Variants in F2R observed in about 807,000 individuals in gnomAD.
F2R encodes coagulation factor II thrombin receptor.
F2R carries 12 observed loss-of-function variants against 18.3 expected under a neutral mutation model. That is an observed-to-expected ratio of 0.66 (90% CI 0.42 to 1.06). The LOEUF is 1.06. Among genes scored for constraint, F2R ranks in the 50% least tolerant of loss-of-function variants. The pLI, the probability that F2R is intolerant of heterozygous loss-of-function variation, is 0.00. For synonymous variants in F2R, 210 were observed against 219.9 expected (o/e 0.95, Z 0.40); for missense variants, 438 against 530.8 (o/e 0.83, Z 1.72).
intron 1 of F2R, chr5:76,716,935 C>T (rs1261823194): frequency 1.3e-5 from 6 of 470,466 alleles, no homozygotes; most frequent in Non-Finnish European, 1.9e-5. Context: ...CCCGGCCCGG[C>T]CTTGTGTCCA....
chr5:76,727,607 G>A (rs748834512), intron 1 of F2R, among the ~76,000 whole-genome samples: 9 of 152,126 alleles, frequency 5.9e-5, no homozygotes, highest in Non-Finnish European at 1.5e-5. Context: ...ACCAGGCTCT[G>A]CTCTGCTGTC....
intron 1 of F2R, among the ~76,000 whole-genome samples, chr5:76,720,081 A>ACTATCTAT (rs199692577): frequency 6.6e-6 from 1 of 152,106 alleles, no homozygotes; most frequent in African/African-American, 2.4e-5. Flanking sequence ...TTTCTGCCCT[A>ACTATCTAT]CTATCTATCT....
chr5:76,720,744 T>C (rs1035663823), intron 1 of F2R, among the ~76,000 whole-genome samples: 8 of 152,172 alleles, frequency 5.3e-5, no homozygotes, highest in Admixed American at 3.9e-4. Flanking sequence ...ATATTTCATA[T>C]CAATAGAATC....
At position 76,732,457 on chromosome 5, in the gene F2R, A is replaced by C; in HGVS notation, c.232A>C (p.Ser78Arg). Residue 78 changes from serine (S) to arginine (R), a missense_variant, in exon 2 of 2, where the codon AGT becomes CGT. Transcript: ENST00000319211. ...CAGATTAGTCTCCATCAATAAAAGC[A>C]GTCCTCTTCAAAAACAACTTCCTGC... The part of the protein sequence containing the change: ...EYRLVSINKS[S>R]PLQKQLPAFI... The C allele has an allele frequency of 6.2e-7, 1 of 1,614,190 alleles. No individual in the cohort carries two copies. Among genetic ancestry groups the C allele is most frequent in the South Asian group, 1.1e-5 (1 of 91,084 alleles).
Position 76,716,411 on chromosome 5 carries a change from G to T in F2R, c.88+16G>T. 7.0e-7 allele frequency: 1 copy of T among 1,429,796 alleles called. No individual in the cohort carries two copies. The highest frequency in any genetic ancestry group is 1.5e-5 in the South Asian group (1 of 68,378). The allele number at this position is 1,429,796 out of a possible 1,614,324, so 88.6% of individuals were successfully genotyped here. A position where few individuals can be genotyped will look rare whatever the true frequency, so the allele number is the denominator to read the frequency against. On this transcript the variant is annotated intron_variant, in intron 1 of 1. Transcript: ENST00000319211. Reference sequence around the variant, plus strand: ...CGCAGGCCAGGTGAGAGATGCACGGGAATGGGGTGCGCGGGCGGAGGGACG... The same window carrying T: ...CGCAGGCCAGGTGAGAGATGCACGGTAATGGGGTGCGCGGGCGGAGGGACG...
chr5:76,730,809 C>T lies in F2R; in HGVS notation c.89-1505C>T, dbSNP rs573669882. On this transcript the variant is annotated intron_variant, in intron 1 of 1. Coordinates refer to ENST00000319211, the MANE Select transcript of F2R (RefSeq NM_001992.5). ...TATACATTGGGAGTTCCTAAGGCCC[C>T]CTGCTCAGATTCGATTAATTTGCTA... Among the ~76,000 whole-genome samples the T allele has an allele frequency of 6.6e-4, 101 of 152,288 alleles. 1 individual carries two copies. The highest frequency in any genetic ancestry group is 5.0e-3 in the South Asian group (24 of 4,826).
intron 1 of F2R, among the ~76,000 whole-genome samples, chr5:76,731,113 G>C (rs909540277): frequency 6.6e-6 from 1 of 152,218 alleles, no homozygotes; most frequent in African/African-American, 2.4e-5. Context: ...GAAAGAAGTA[G>C]AAGAATGACT....
In F2R at chr5:76,718,666, G is replaced by T. The variant is rs928138491; in HGVS notation, c.88+2271G>T. ...TATCCCCATGGTGACTAAAACAAAT[G>T]TTCACTCAGCAGATAGTTGTTGAGA... On this transcript the variant is annotated intron_variant, in intron 1 of 1. Coordinates refer to ENST00000319211, the MANE Select transcript of F2R (RefSeq NM_001992.5). Among the ~76,000 whole-genome samples the T allele has an allele frequency of 3.3e-5, 5 of 152,228 alleles. No individual in the cohort carries two copies. In the East Asian group the frequency reaches 7.7e-4, roughly 23 times the overall value.
In F2R at chr5:76,716,266, C is replaced by A; in HGVS notation, c.-42C>A. 7.5e-7 allele frequency: 1 copy of A among 1,326,360 alleles called. No individual in the cohort carries two copies. Among genetic ancestry groups the A allele is most frequent in the Non-Finnish European group, 9.6e-7 (1 of 1,039,586 alleles). The allele number at this position is 1,326,360 out of a possible 1,614,324, so 82.2% of individuals were successfully genotyped here. ...GAGGGTGAAGCGGAGCAGCCCGAGG[C>A]GGGGCAGCCTCCCGGAGCAGCGCCG... On this transcript the variant is annotated 5_prime_UTR_variant, in exon 1 of 2. Coordinates refer to ENST00000319211, the MANE Select transcript of F2R (RefSeq NM_001992.5).
At chr5:76,720,946 A>G (rs748494571) in intron 1 of F2R, among the ~76,000 whole-genome samples, 4 of 152,134 alleles carry the variant, frequency 2.6e-5, no homozygotes, top group Non-Finnish European at 4.4e-5. Flanking sequence ...TAGCTGGGCT[A>G]CAGGCACCTG....
rs1275374115 is a variant in F2R, at chr5:76,732,480, T to A, written c.255T>A (p.Pro85=). 1.9e-6 allele frequency: 3 copies of A among 1,614,202 alleles called. No individual in the cohort carries two copies. The highest frequency in any genetic ancestry group is 3.3e-5 in the Admixed American group (2 of 60,026). ...NKSSPLQKQL[P]AFISEDASGY... is the part of the protein sequence containing the mutation. ...GCAGTCCTCTTCAAAAACAACTTCC[T>A]GCATTCATCTCAGAAGATGCCTCCG... The change falls in exon 2 of 2, where the codon CCT becomes CCA. Residue 85 remains proline, a synonymous_variant. Coordinates refer to ENST00000319211, the MANE Select transcript of F2R (RefSeq NM_001992.5).
intron 1 of F2R, among the ~76,000 whole-genome samples, chr5:76,725,295 T>C (rs554872093): frequency 1.3e-5 from 2 of 152,312 alleles, no homozygotes; most frequent in African/African-American, 2.4e-5. Context: ...TATTTAATAA[T>C]TTGCTGTATT....
intron 1 of F2R, among the ~76,000 whole-genome samples, chr5:76,717,801 T>C (rs1748374077): frequency 6.6e-6 from 1 of 152,242 alleles, no homozygotes; most frequent in Non-Finnish European, 1.5e-5. Flanking sequence ...ACAGAGCTTA[T>C]AGAAATGCTG....
intron 1 of F2R, among the ~76,000 whole-genome samples, chr5:76,730,099 T>C (rs1748642684): frequency 6.6e-6 from 1 of 152,240 alleles, no homozygotes; most frequent in Non-Finnish European, 1.5e-5. Flanking sequence ...GTTATATTCC[T>C]TCAAAGAGTG....
At chr5:76,716,585 C>T (rs771840529) in intron 1 of F2R, 190 bp downstream of exon 1, 1 of 692,978 alleles carries the variant, frequency 1.4e-6, no homozygotes, top group East Asian at 2.8e-5. Flanking sequence ...GCGGGCCCAG[C>T]CGATGCCCCT....
chr5:76,718,040 G>A (rs1241295439), intron 1 of F2R, among the ~76,000 whole-genome samples: 1 of 152,158 alleles, frequency 6.6e-6, no homozygotes, highest in Admixed American at 6.5e-5. Context: ...GTATGATAGA[G>A]GAAAAGGAGC....
At chr5:76,716,426 G>A in intron 1 of F2R, 31 bp downstream of exon 1, 1 of 1,402,560 alleles carries the variant, frequency 7.1e-7, no homozygotes, top group Admixed American at 3.1e-5. Flanking sequence ...GGGTGCGCGG[G>A]CGGAGGGACG....
chr5:76,735,094 TG>T lies in F2R; in HGVS notation c.*1593del, dbSNP rs1256843400. 3 of 152,348 alleles carry T rather than the reference TG, an allele frequency of 2.0e-5. No individual in the cohort carries two copies. Among genetic ancestry groups the T allele is most frequent in the Non-Finnish European group, 2.9e-5 (2 of 68,030 alleles). 9.4% of individuals were successfully genotyped at this position (152,348 alleles called of 1,614,324 possible). A position where few individuals can be genotyped will look rare whatever the true frequency, so the allele number is the denominator to read the frequency against. On this transcript the variant is annotated 3_prime_UTR_variant, in exon 2 of 2. Coordinates refer to ENST00000319211, the MANE Select transcript of F2R (RefSeq NM_001992.5). ...TCTTCATGGAATTCACAAAGTAATT[TG>T]GAAATTAGGTTGAAACATATCTCTT...
intron 1 of F2R, among the ~76,000 whole-genome samples, chr5:76,726,655 C>T (rs1013348558): frequency 6.6e-6 from 1 of 151,986 alleles, no homozygotes; most frequent in Non-Finnish European, 1.5e-5. Context: ...GAGCCAAAAT[C>T]GCACCACTGC....
Sources: allele counts gnomAD v4.1 joint callset (sites outside exome capture counted in the v4.1 genomes callset), GRCh38; gene constraint gnomAD v4.1.1; transcripts MANE v1.5; gene names NCBI Gene and HGNC (gene_info 2026-07-23, HGNC 2026-07-21).